FERRY3: variants seen among roughly 807,000 people sequenced by gnomAD.
FERRY3 encodes FERRY endosomal RAB5 effector complex subunit 3.
the FERRY3 span, among the ~76,000 whole-genome samples, chr12:4,501,496 C>T: frequency 6.6e-6 from 1 of 152,150 alleles, no homozygotes; most frequent in Non-Finnish European, 1.5e-5. Flanking sequence ...CTCCTCACTG[C>T]TCACATTACT....
chr12:4,519,795 T>C, the FERRY3 span, among the ~76,000 whole-genome samples: 3 of 152,202 alleles, frequency 2.0e-5, no homozygotes, highest in African/African-American at 7.2e-5. This position sits in a 1 kb window ranked among gnomAD's most constrained non-coding sequence, Gnocchi z 4.3. Context: ...TGAACTGTAT[T>C]GTGAACTGCG....
chr12:4,507,227 G>A, the FERRY3 span, among the ~76,000 whole-genome samples: 1 of 152,124 alleles, frequency 6.6e-6, no homozygotes, highest in African/African-American at 2.4e-5. Context: ...TTGCTAGTTT[G>A]TACGAGAAGA....
chr12:4,536,076 G>A, the FERRY3 span: 1 of 1,608,494 alleles, frequency 6.2e-7, no homozygotes, highest in Non-Finnish European at 8.5e-7. Context: ...CAAATGACTG[G>A]CATTCTCTTG....
the FERRY3 span, among the ~76,000 whole-genome samples, chr12:4,531,260 G>A: frequency 6.6e-6 from 1 of 152,108 alleles, no homozygotes; most frequent in Non-Finnish European, 1.5e-5. Context: ...ATCTTTAGAC[G>A]TGCGACTGCT....
the FERRY3 span, among the ~76,000 whole-genome samples, chr12:4,520,663 G>A: frequency 2.6e-5 from 4 of 152,242 alleles, no homozygotes; most frequent in African/African-American, 9.6e-5. Flanking sequence ...TACACATTGG[G>A]TACAGTGTAC....
At chr12:4,537,916 C>G in the FERRY3 span, among the ~76,000 whole-genome samples, 46 of 152,006 alleles carry the variant, frequency 3.0e-4, 2 homozygotes, top group South Asian at 7.5e-3. Context: ...TTATAATACC[C>G]CAAACTGGAA....
the FERRY3 span, among the ~76,000 whole-genome samples, chr12:4,495,179 G>C: frequency 6.6e-6 from 1 of 152,108 alleles, no homozygotes; most frequent in Admixed American, 6.5e-5. Context: ...CTCATTCACG[G>C]CATCTAATTT....
the FERRY3 span, among the ~76,000 whole-genome samples, chr12:4,506,310 G>GT: frequency 5.9e-5 from 9 of 152,130 alleles, no homozygotes; most frequent in Middle Eastern, 3.4e-3. Flanking sequence ...CTTCAAACAA[G>GT]TAAACAGCAA....
chr12:4,521,874 A>G, the FERRY3 span, among the ~76,000 whole-genome samples: 6 of 152,244 alleles, frequency 3.9e-5, no homozygotes, highest in Admixed American at 1.3e-4. Flanking sequence ...GTGATCTTCC[A>G]TTAGGCAAAG....
the FERRY3 span, among the ~76,000 whole-genome samples, chr12:4,507,054 T>C: frequency 1.3e-5 from 2 of 152,202 alleles, no homozygotes; most frequent in Non-Finnish European, 2.9e-5. Flanking sequence ...ACGCACTGCC[T>C]TAGCCGTATG....
chr12:4,498,506 A>T, the FERRY3 span, among the ~76,000 whole-genome samples: 1 of 152,242 alleles, frequency 6.6e-6, no homozygotes, highest in Non-Finnish European at 1.5e-5. Flanking sequence ...ATGAGAAATT[A>T]GTAAGTCTGA....
chr12:4,509,943 C>T, the FERRY3 span, among the ~76,000 whole-genome samples: 4 of 139,232 alleles, frequency 2.9e-5, 1 homozygote, highest in African/African-American at 9.4e-5. Flanking sequence ...GATCAAATTA[C>T]TCTGAGCTAC....
At chr12:4,521,302 T>C in the FERRY3 span, among the ~76,000 whole-genome samples, 1 of 151,872 alleles carries the variant, frequency 6.6e-6, no homozygotes, top group Non-Finnish European at 1.5e-5. Context: ...GAGGTTGCAA[T>C]GAGCCAAGAT....
the FERRY3 span, among the ~76,000 whole-genome samples, chr12:4,510,483 G>C: frequency 7.4e-6 from 1 of 135,122 alleles, no homozygotes; most frequent in Admixed American, 7.4e-5. Context: ...AAATGTTAAG[G>C]GCAGCCAGAG....
chr12:4,507,911 G>A, the FERRY3 span, among the ~76,000 whole-genome samples: 10 of 152,194 alleles, frequency 6.6e-5, no homozygotes, highest in African/African-American at 2.2e-4. Flanking sequence ...AGATAGCACT[G>A]GGTACCTCTG....
At chr12:4,525,659 T>C in the FERRY3 span, 9 of 1,063,194 alleles carry the variant, frequency 8.5e-6, no homozygotes, top group Non-Finnish European at 1.1e-5. Flanking sequence ...CATCAAACAA[T>C]CTCTATAAAG....
chr12:4,525,020 G>A, the FERRY3 span: 1 of 399,768 alleles, frequency 2.5e-6, no homozygotes, highest in Non-Finnish European at 4.4e-6. Context: ...TTAGGTGTAT[G>A]TATCTAGAAC....
the FERRY3 span, among the ~76,000 whole-genome samples, chr12:4,511,056 A>C: frequency 2.7e-5 from 4 of 149,046 alleles, no homozygotes; most frequent in African/African-American, 7.4e-5. Flanking sequence ...TCTACCAAGC[A>C]AATGGAAAAC....
the FERRY3 span, among the ~76,000 whole-genome samples, chr12:4,501,767 G>A: frequency 6.6e-6 from 1 of 152,036 alleles, no homozygotes. Flanking sequence ...AATAATAATA[G>A]AAATAAAGTA....
Sources: gnomAD v4.1 joint callset for allele counts (sites outside exome capture counted in the v4.1 genomes callset) on GRCh38, gnomAD v4.1.1 for gene constraint, Gnocchi (gnomAD v3.1) non-coding constraint, MANE v1.5 for transcripts, NCBI Gene and HGNC (gene_info 2026-07-23, HGNC 2026-07-21) for gene names.